The following GNAT3 variants were observed in gnomAD, a reference collection of about 807,000 sequenced individuals.
GNAT3 encodes the protein guanine nucleotide-binding protein G(t) subunit alpha-3.
GNAT3 carries 31 observed loss-of-function variants against 37.7 expected under a neutral mutation model. The observed-to-expected ratio is 0.82, with a 90% confidence interval of 0.62 to 1.11. The LOEUF is 1.11. Among genes scored for constraint, GNAT3 ranks in the 50% most tolerant of loss-of-function variants. The pLI, the probability that GNAT3 is intolerant of heterozygous loss-of-function variation, is 0.00. For synonymous variants in GNAT3, 138 were observed against 139.8 expected (o/e 0.99, Z 0.09); for missense variants, 437 against 412.5 (o/e 1.06, Z -0.51).
rs76889802 is a variant in GNAT3, at chr7:80,485,622, C to T, written c.303+2913G>A. Among the ~76,000 whole-genome samples, 811 of 152,248 alleles carry T rather than the reference C, an allele frequency of 5.3e-3. 6 individuals carry two copies. Among genetic ancestry groups the T allele is most frequent in the African/African-American group, 0.019 (770 of 41,562 alleles). On this transcript the variant is annotated intron_variant, in intron 3 of 7. Transcript: ENST00000398291. ...CTCAGTTACTGCTGAGCCCTCACTA[C>T]ATCCCCGGTGTCCAACTAAATGTCT... is the stretch of plus-strand genomic sequence containing the variant.
chr7:80,488,026 G>T (rs563234774), intron 3 of GNAT3, among the ~76,000 whole-genome samples: 5 of 151,962 alleles, frequency 3.3e-5, no homozygotes, highest in Admixed American at 1.3e-4. Flanking sequence ...GAATATACTT[G>T]ATATACAGAC....
In GNAT3 at chr7:80,495,966, G is replaced by A. The variant is rs1790708942; in HGVS notation, c.119-1319C>T. Among the ~76,000 whole-genome samples the A allele has an allele frequency of 5.9e-5, 9 of 152,206 alleles. No individual in the cohort carries two copies. In the South Asian group the frequency reaches 1.9e-3, roughly 32 times the overall value. On this transcript the variant is annotated intron_variant, in intron 1 of 7. Transcript: ENST00000398291. ...TCTGGGTATTAGTCCTTTGTTTGAT[G>A]CATAGCTTGCAAATGTTTTCTCCCA...
At chr7:80,508,419 C>T (rs1790990924) in intron 1 of GNAT3, among the ~76,000 whole-genome samples, 1 of 151,848 alleles carries the variant, frequency 6.6e-6, no homozygotes, top group Non-Finnish European at 1.5e-5. Flanking sequence ...AATAAAAGTA[C>T]CATTGAATGA....
intron 2 of GNAT3, among the ~76,000 whole-genome samples, chr7:80,493,751 CACCTCTT>C (rs1214432580): frequency 3.0e-5 from 2 of 67,466 alleles, no homozygotes; most frequent in African/African-American, 8.1e-5. Context: ...TTTCCTCCTC[CACCTCTT>C]TCCTCCTCCA....
At chr7:80,500,552 C>T (rs1338326756) in intron 1 of GNAT3, among the ~76,000 whole-genome samples, 2 of 152,004 alleles carry the variant, frequency 1.3e-5, no homozygotes, top group Non-Finnish European at 2.9e-5. Context: ...CTATGTCATA[C>T]TCTAGGGTCT....
intron 4 of GNAT3, among the ~76,000 whole-genome samples, chr7:80,478,331 T>C (rs1790338449): frequency 1.3e-5 from 2 of 152,238 alleles, no homozygotes; most frequent in African/African-American, 4.8e-5. Context: ...TATAGAATTT[T>C]TTGAGACTCC....
intron 3 of GNAT3, among the ~76,000 whole-genome samples, chr7:80,481,367 T>C (rs1352930684): frequency 1.3e-5 from 2 of 152,062 alleles, no homozygotes; most frequent in East Asian, 1.9e-4. Flanking sequence ...CAGGCTGTGA[T>C]AGGAAGGGTG....
chr7:80,497,030 C>T (rs1355855831), intron 1 of GNAT3, among the ~76,000 whole-genome samples: 1 of 152,096 alleles, frequency 6.6e-6, no homozygotes, highest in East Asian at 1.9e-4. Context: ...TTCAAGAACA[C>T]ACCTCTCCAT....
intron 3 of GNAT3, among the ~76,000 whole-genome samples, chr7:80,485,188 T>A (rs760020756): frequency 6.6e-6 from 1 of 151,076 alleles, no homozygotes; most frequent in East Asian, 1.9e-4. Flanking sequence ...TTTTTAACAC[T>A]CTTCCCTAGA....
At chr7:80,475,787 TTG>T (rs1251089207) in intron 4 of GNAT3, among the ~76,000 whole-genome samples, 1 of 152,158 alleles carries the variant, frequency 6.6e-6, no homozygotes, top group African/African-American at 2.4e-5. Flanking sequence ...CAAATTAAGG[TTG>T]GACAAGTGTC....
intron 1 of GNAT3, among the ~76,000 whole-genome samples, chr7:80,510,304 G>T (rs751572611): frequency 5.9e-5 from 9 of 152,002 alleles, no homozygotes; most frequent in Admixed American, 2.6e-4. Flanking sequence ...CTCTTTCATT[G>T]TTTTGGCTTT....
intron 1 of GNAT3, among the ~76,000 whole-genome samples, chr7:80,501,063 T>A (rs1173548759): frequency 1.3e-5 from 2 of 152,122 alleles, no homozygotes; most frequent in Admixed American, 6.6e-5. Context: ...TCTAAAAATG[T>A]TTATGTAATT....
At position 80,478,838 on chromosome 7, in the gene GNAT3, T is replaced by G. The variant is rs763698387; in HGVS notation, c.461+3A>C. The stretch of plus-strand genomic sequence containing the variant: ...CAATTCCCCTTAAAGTGAATTCACT[T>G]ACTAAGCTGCTGAGTCATTGAGCTG... On this transcript the variant is annotated splice_donor_region_variant and intron_variant, in intron 4 of 7. Transcript: ENST00000398291. 1 of 1,612,314 alleles carries G rather than the reference T, an allele frequency of 6.2e-7. No individual in the cohort carries two copies. The highest frequency in any genetic ancestry group is 1.1e-5 in the South Asian group (1 of 90,912).
intron 1 of GNAT3, among the ~76,000 whole-genome samples, chr7:80,510,018 C>T (rs1199039984): frequency 6.6e-6 from 1 of 152,104 alleles, no homozygotes; most frequent in Non-Finnish European, 1.5e-5. Context: ...TTCAAGAATA[C>T]AATAGATCAT....
chr7:80,480,221 C>A (rs935845140), intron 3 of GNAT3, among the ~76,000 whole-genome samples: 1 of 152,144 alleles, frequency 6.6e-6, no homozygotes, highest in Non-Finnish European at 1.5e-5. Context: ...TAGCTCATAA[C>A]CCTCCTAGTG....
In GNAT3 at chr7:80,489,211, A is replaced by G. The variant is rs1299962467; in HGVS notation, c.162-535T>C. 2.0e-5 allele frequency among the ~76,000 whole-genome samples: 3 copies of G among 152,228 alleles called. No individual in the cohort carries two copies. The East Asian group carries it at 5.8e-4, about 29-fold the overall frequency. ...TTTCTTGTCAGTTCTCCATCTGTGT[A>G]CGTGCCACTGAGTTATAAAAGTTGA... On this transcript the variant is annotated intron_variant, in intron 2 of 7. Coordinates refer to ENST00000398291, the MANE Select transcript of GNAT3 (RefSeq NM_001102386.3).
At chr7:80,490,400 A>G (rs1245158320) in intron 2 of GNAT3, among the ~76,000 whole-genome samples, 3 of 152,180 alleles carry the variant, frequency 2.0e-5, no homozygotes, top group Non-Finnish European at 4.4e-5. Flanking sequence ...GGCAGAGCAT[A>G]TAAAGAGATT....
chr7:80,479,609 G>T (rs1400859674), intron 3 of GNAT3, among the ~76,000 whole-genome samples: 1 of 151,286 alleles, frequency 6.6e-6, no homozygotes, highest in African/African-American at 2.4e-5. Flanking sequence ...TACTTGGGAG[G>T]CTGAGGTGGG....
At chr7:80,460,705 G>A (rs1790033751) in intron 7 of GNAT3, among the ~76,000 whole-genome samples, 1 of 151,728 alleles carries the variant, frequency 6.6e-6, no homozygotes, top group Non-Finnish European at 1.5e-5. Flanking sequence ...CTGAGATCGT[G>A]CCACTGCACT....
Sources: gnomAD v4.1 joint callset for allele counts (sites outside exome capture counted in the v4.1 genomes callset) on GRCh38, gnomAD v4.1.1 for gene constraint, MANE v1.5 for transcripts, NCBI Gene and HGNC (gene_info 2026-07-23, HGNC 2026-07-21) for gene names.